The following PDGFRB variants were observed in gnomAD, a reference collection of about 807,000 sequenced individuals.
The protein encoded by PDGFRB is platelet-derived growth factor receptor beta.
In PDGFRB, 42 loss-of-function variants were observed where a neutral mutation model predicts 120.2. The observed-to-expected ratio is 0.35, with a 90% CI of 0.27 to 0.45. The LOEUF (loss-of-function observed/expected upper bound fraction) is 0.45, where lower values mean the gene tolerates loss of function less well. Among genes scored for constraint, PDGFRB ranks in the 20% least tolerant of loss-of-function variants. The pLI, the probability that PDGFRB is intolerant of heterozygous loss-of-function variation, is 1.00. For synonymous variants in PDGFRB, 586 were observed against 606.8 expected (o/e 0.97, Z 0.50); for missense variants, 1,149 against 1,476.3 (o/e 0.78, Z 3.63).
In PDGFRB at chr5:150,117,785, G is replaced by A. The variant is rs139699861; in HGVS notation, c.2970C>T (p.Ala990=). The part of the protein sequence containing the change: ...SDHPAILRSQ[A]RLPGFHGLRS... Reference sequence around the variant, plus strand: ...GGAGGCCATGGAACCCAGGCAAGCGGGCCTGGGACCGAAGGATGGCTGGGT... The same window carrying A: ...GGAGGCCATGGAACCCAGGCAAGCGAGCCTGGGACCGAAGGATGGCTGGGT... Residue 990 remains alanine (A), a synonymous_variant, in exon 22 of 23, where the codon GCC becomes GCT. Transcript: ENST00000261799. 1.5e-5 allele frequency: 24 copies of A among 1,613,528 alleles called. No homozygotes were observed. The highest frequency in any genetic ancestry group is 1.9e-5 in the Non-Finnish European group (23 of 1,179,638).
In PDGFRB at chr5:150,123,004, T is replaced by G. The variant is rs757291871; in HGVS notation, c.2183+38A>C. On this transcript the variant is annotated intron_variant, in intron 15 of 22. Coordinates refer to ENST00000261799, the MANE Select transcript of PDGFRB (RefSeq NM_002609.4). ...AGGGGAAGGAGCGGTGCTCCTCAGG[T>G]ATCCCAAAGATTCAGTCCCTGGCCT... 51 of 1,583,618 alleles carry G rather than the reference T, an allele frequency of 3.2e-5. No individual in the cohort carries two copies. In the South Asian group the frequency reaches 5.5e-4, roughly 17 times the overall value.
intron 1 of PDGFRB, among the ~76,000 whole-genome samples, chr5:150,154,781 C>T (rs1310416444): frequency 6.6e-6 from 1 of 152,220 alleles, no homozygotes; most frequent in Non-Finnish European, 1.5e-5. Flanking sequence ...AGCCCCCAGA[C>T]CCAGCAGCAT....
Position 150,133,665 on chromosome 5 carries a change from G to C in PDGFRB, c.855C>G (p.Asp285Glu). The C allele has an allele frequency of 6.2e-7, 1 of 1,614,032 alleles. No individual in the cohort carries two copies. Among genetic ancestry groups the C allele is most frequent in the Non-Finnish European group, 8.5e-7 (1 of 1,179,900 alleles). The change falls in exon 6 of 23, where the codon GAC becomes GAG. Residue 285 changes from aspartate (D) to glutamate (E), a missense_variant. Physicochemically the swap from Asp to Glu is conservative, Grantham distance 45. Coordinates refer to ENST00000261799, the MANE Select transcript of PDGFRB (RefSeq NM_002609.4). ...TCACATTGCAGGTGTAGGTCCCCGA[G>C]TCTTCTAACTCGGCACTGGGGATGT... Reference protein sequence around the residue: ...ILHIPSAELEDSGTYTCNVTE... With the variant: ...ILHIPSAELEESGTYTCNVTE...
intron 1 of PDGFRB, among the ~76,000 whole-genome samples, chr5:150,138,688 C>T (rs1234836873): frequency 2.6e-5 from 4 of 152,250 alleles, no homozygotes; most frequent in Admixed American, 6.5e-5. Context: ...TTCCTCTGCC[C>T]CAGCCCCTCC....
At chr5:150,154,422 G>T (rs997978980) in intron 1 of PDGFRB, among the ~76,000 whole-genome samples, 1 of 152,158 alleles carries the variant, frequency 6.6e-6, no homozygotes, top group Non-Finnish European at 1.5e-5. Context: ...AGTTCCTCAT[G>T]TATAAAACGG....
chr5:150,132,791 A>G lies in PDGFRB; in HGVS notation c.1086T>C (p.Ala362=). 1 of 1,613,150 alleles carries G rather than the reference A, an allele frequency of 6.2e-7. No individual in the cohort carries two copies. Among genetic ancestry groups the G allele is most frequent in the East Asian group, 2.2e-5 (1 of 44,858 alleles). ...TGCGCGTGGACAGGGCGATTTCGCC[A>G]GCGCTGGAGTCGCCCAGGGTGCGGT... ...KDNRTLGDSS[A]GEIALSTRNV... The change falls in exon 7 of 23, where the codon GCT becomes GCC. Residue 362 remains alanine (A), a synonymous_variant. Transcript: ENST00000261799. The surrounding 1 kb of genome is among the most constrained non-coding windows in gnomAD (Gnocchi z 5.0).
intron 1 of PDGFRB, among the ~76,000 whole-genome samples, chr5:150,142,106 AG>A (rs1212086759): frequency 6.6e-6 from 1 of 152,172 alleles, no homozygotes; most frequent in Non-Finnish European, 1.5e-5. Flanking sequence ...CAGAGCCCTC[AG>A]GGATCATCTA....
intron 4 of PDGFRB, 32 bp from the exon 5 acceptor site, chr5:150,134,040 A>T (rs1005209962): frequency 1.2e-6 from 2 of 1,611,188 alleles, no homozygotes; most frequent in Non-Finnish European, 8.5e-7. Context: ...AGGTCTGGGG[A>T]AGTCACCACC....
At chr5:150,149,334 T>C (rs1413008005) in intron 1 of PDGFRB, among the ~76,000 whole-genome samples, 1 of 152,134 alleles carries the variant, frequency 6.6e-6, no homozygotes, top group African/African-American at 2.4e-5. Context: ...AAAATGGAAA[T>C]GCAGGGCTCT....
rs2113914853 is a variant in PDGFRB at position 150,137,035 on chromosome 5, C to T, written c.13G>A (p.Gly5Ser). 6.2e-7 allele frequency: 1 copy of T among 1,613,778 alleles called. No individual in the cohort carries two copies. The highest frequency in any genetic ancestry group is 8.5e-7 in the Non-Finnish European group (1 of 1,179,796). Residue 5 changes from glycine to serine, a missense_variant, in exon 2 of 23, where the codon GGT becomes AGT. By Grantham distance (56) the Gly-to-Ser change is moderately conservative. Coordinates refer to ENST00000261799, the MANE Select transcript of PDGFRB (RefSeq NM_002609.4). Reference sequence around the variant, plus strand: ...TTGAGGGCCAGAGCTGGCATCGCACCCGGAAGCCGCATGGTGTCCTGCAGA... The same window carrying T: ...TTGAGGGCCAGAGCTGGCATCGCACTCGGAAGCCGCATGGTGTCCTGCAGA... MRLP[G>S]AMPALALKGE...
intron 10 of PDGFRB, among the ~76,000 whole-genome samples, chr5:150,127,228 T>C (rs565654806): frequency 6.6e-6 from 1 of 152,344 alleles, no homozygotes; most frequent in African/African-American, 2.4e-5. Context: ...ACACTGGCCC[T>C]TACAAGCCTC....
At chr5:150,125,081 G>A (rs1304708494) in intron 12 of PDGFRB, among the ~76,000 whole-genome samples, 1 of 152,120 alleles carries the variant, frequency 6.6e-6, no homozygotes, top group Non-Finnish European at 1.5e-5. Context: ...AGTCCTGCCT[G>A]CTTTCTGCCC....
intron 1 of PDGFRB, among the ~76,000 whole-genome samples, chr5:150,147,041 T>C (rs1325210817): frequency 2.0e-5 from 3 of 152,116 alleles, no homozygotes; most frequent in Non-Finnish European, 4.4e-5. Context: ...AGTTTTTGCT[T>C]AGGAAAGCCA....
intron 1 of PDGFRB, among the ~76,000 whole-genome samples, chr5:150,148,292 A>G (rs1760979726): frequency 6.6e-6 from 1 of 152,218 alleles, no homozygotes; most frequent in Non-Finnish European, 1.5e-5. Flanking sequence ...CAACTTCCTA[A>G]TATGGAATTA....
chr5:150,143,411 C>G (rs1760834279), intron 1 of PDGFRB, among the ~76,000 whole-genome samples: 1 of 152,132 alleles, frequency 6.6e-6, no homozygotes, highest in South Asian at 2.1e-4. Flanking sequence ...CAGGGCTCCA[C>G]TCTGGGAAGG....
intron 1 of PDGFRB, 177 bp from the exon 2 acceptor site, chr5:150,137,230 CTG>C: frequency 1.7e-6 from 1 of 575,354 alleles, no homozygotes; most frequent in Non-Finnish European, 3.1e-6. Context: ...TGACCACAGG[CTG>C]TCTCCTCTCC....
intron 4 of PDGFRB, 152 bp downstream of exon 4, chr5:150,134,598 T>C (rs755974496): frequency 1.7e-5 from 12 of 726,544 alleles, no homozygotes; most frequent in African/African-American, 3.6e-5. Flanking sequence ...TTCCCTCTTC[T>C]GTAACATGGG....
At chr5:150,151,924 G>GTTTA (rs377300517) in intron 1 of PDGFRB, among the ~76,000 whole-genome samples, 4,875 of 150,202 alleles carry the variant, frequency 0.032, 265 homozygotes, top group African/African-American at 0.11. Flanking sequence ...TGCTGTGACG[G>GTTTA]TTTATTTATT....
intron 22 of PDGFRB, 72 bp downstream of exon 22, chr5:150,117,525 GCAGCGCGCGCGCGCGCGCGCA>G: frequency 3.0e-6 from 2 of 668,426 alleles, no homozygotes; most frequent in Non-Finnish European, 5.1e-6. Context: ...GGCAAACCTG[GCAGCGCGCGCGCGCGCGCGCA>G]CACACACACA....
Sources: allele counts gnomAD v4.1 joint callset (sites outside exome capture counted in the v4.1 genomes callset), GRCh38; gene constraint gnomAD v4.1.1; non-coding constraint Gnocchi (gnomAD v3.1); transcripts MANE v1.5; gene names NCBI Gene and HGNC (gene_info 2026-07-23, HGNC 2026-07-21).